Variants in TBC1D9 observed in about 807,000 individuals in gnomAD.
The protein encoded by TBC1D9 is TBC1 domain family member 9.
TBC1D9 carries 63 observed loss-of-function variants against 132.0 expected under a neutral mutation model. That is an observed-to-expected ratio of 0.48 (90% CI 0.39 to 0.59). TBC1D9 has a LOEUF of 0.59. Ranked by LOEUF, TBC1D9 falls within the 20% of genes least tolerant of loss-of-function variation. TBC1D9 has a pLI of 0.00. For synonymous variants in TBC1D9, 610 were observed against 609.9 expected, an observed-to-expected ratio of 1.00 and a Z score of 0.00; for missense variants, 1,261 against 1,592.7, an observed-to-expected ratio of 0.79 and a Z score of 3.54.
intron 1 of TBC1D9, among the ~76,000 whole-genome samples, chr4:140,752,162 C>A (rs1252568784): frequency 2.6e-5 from 4 of 152,052 alleles, no homozygotes; most frequent in Non-Finnish European, 5.9e-5. Context: ...AATGAACCAT[C>A]CAATGGGCCA....
At chr4:140,650,713 T>G (rs1201175468) in intron 13 of TBC1D9, among the ~76,000 whole-genome samples, 1 of 152,100 alleles carries the variant, frequency 6.6e-6, no homozygotes, top group African/African-American at 2.4e-5. Context: ...TTTTGTCTTT[T>G]TAGTAGAGAC....
intron 15 of TBC1D9, among the ~76,000 whole-genome samples, chr4:140,636,561 T>C (rs1560867926): frequency 6.6e-6 from 1 of 151,948 alleles, no homozygotes; most frequent in Admixed American, 6.6e-5. Flanking sequence ...GTAAAAAATA[T>C]ATATTTTTTA....
In TBC1D9 at chr4:140,672,661, C is replaced by T. The variant is rs539921123; in HGVS notation, c.1060-1735G>A. Among the ~76,000 whole-genome samples, 51 of 152,280 alleles carry T rather than the reference C, an allele frequency of 3.3e-4. No individual in the cohort carries two copies. The East Asian group carries it at 7.3e-3, about 22-fold the overall frequency. On this transcript the variant is annotated intron_variant, in intron 6 of 20. Coordinates refer to ENST00000442267, the MANE Select transcript of TBC1D9 (RefSeq NM_015130.3). Reference sequence around the variant, plus strand: ...CACATAAAACATATAAATGCTCAGACGGCTTATAAAATGTTTCTCACTGAT... The same window carrying T: ...CACATAAAACATATAAATGCTCAGATGGCTTATAAAATGTTTCTCACTGAT...
intron 1 of TBC1D9, among the ~76,000 whole-genome samples, chr4:140,743,329 A>T (rs947158262): frequency 6.6e-6 from 1 of 152,192 alleles, no homozygotes; most frequent in African/African-American, 2.4e-5. Flanking sequence ...ACAATCATCT[A>T]TGAATGGTTC....
At chr4:140,724,660 A>C (rs771578812) in intron 1 of TBC1D9, among the ~76,000 whole-genome samples, 9 of 151,904 alleles carry the variant, frequency 5.9e-5, no homozygotes, top group Non-Finnish European at 1.3e-4. Flanking sequence ...AAAAACTTGC[A>C]ACTCAGATCA....
In TBC1D9 at chr4:140,639,170, GC is replaced by G. The variant is rs1327925789; in HGVS notation, c.2437-17del. The stretch of plus-strand genomic sequence containing the variant: ...TGGTTCGTACCTATAAAAATATTAA[GC>G]AAAATGAATTTCACAAACTCAAAAA... On this transcript the variant is annotated splice_polypyrimidine_tract_variant and intron_variant, in intron 14 of 20. Coordinates refer to ENST00000442267, the MANE Select transcript of TBC1D9 (RefSeq NM_015130.3). 2 of 1,556,966 alleles carry G rather than the reference GC, an allele frequency of 1.3e-6. No homozygotes were observed. The highest frequency in any genetic ancestry group is 1.4e-5 in the African/African-American group (1 of 73,472).
At chr4:140,677,621 A>G (rs1053150471) in intron 5 of TBC1D9, among the ~76,000 whole-genome samples, 1 of 152,248 alleles carries the variant, frequency 6.6e-6, no homozygotes, top group Non-Finnish European at 1.5e-5. Context: ...GTTAACTACT[A>G]TCTTTTCTCT....
intron 16 of TBC1D9, among the ~76,000 whole-genome samples, chr4:140,629,392 G>A (rs1435611232): frequency 6.6e-6 from 1 of 152,132 alleles, no homozygotes; most frequent in African/African-American, 2.4e-5. Context: ...ATCTCAAAGA[G>A]TCCATGACTC....
At chr4:140,689,437 TCCCA>T (rs1737839541) in intron 2 of TBC1D9, among the ~76,000 whole-genome samples, 2 of 41,786 alleles carry the variant, frequency 4.8e-5, no homozygotes, top group African/African-American at 2.2e-4. Context: ...TCCCTTCCCC[TCCCA>T]TTCCTTCCCT....
At chr4:140,755,081 T>C (rs577276434) in intron 1 of TBC1D9, among the ~76,000 whole-genome samples, 1 of 152,324 alleles carries the variant, frequency 6.6e-6, no homozygotes, top group South Asian at 2.1e-4. Flanking sequence ...CTGCTAACTT[T>C]TTCACTGTAA....
chr4:140,686,329 C>T lies in TBC1D9; in HGVS notation c.360+15G>A. 1 of 1,343,872 alleles carries T rather than the reference C, an allele frequency of 7.4e-7. No individual in the cohort carries two copies. The highest frequency in any genetic ancestry group is 1.0e-6 in the Non-Finnish European group (1 of 955,380). The allele number at this position is 1,343,872 out of a possible 1,614,324, so 83.2% of individuals were successfully genotyped here. ...AATTATTTCCAATTAAAATGTTTTTCTTTTATCCCACTACCTGTATTTTTC... is the reference window on the plus strand; with the variant it reads ...AATTATTTCCAATTAAAATGTTTTTTTTTTATCCCACTACCTGTATTTTTC... On this transcript the variant is annotated intron_variant, in intron 3 of 20. Transcript: ENST00000442267.
chr4:140,683,491 C>T (rs914327432), intron 3 of TBC1D9, among the ~76,000 whole-genome samples: 6 of 152,142 alleles, frequency 3.9e-5, no homozygotes, highest in Non-Finnish European at 7.3e-5. Flanking sequence ...CTACAGGTTT[C>T]GCATAATATA....
At chr4:140,727,306 T>G (rs1738516657) in intron 1 of TBC1D9, among the ~76,000 whole-genome samples, 1 of 152,176 alleles carries the variant, frequency 6.6e-6, no homozygotes, top group Non-Finnish European at 1.5e-5. Context: ...GGGGTCAGAC[T>G]CCTGACTACC....
intron 2 of TBC1D9, 63 bp from the exon 3 acceptor site, chr4:140,686,525 C>T (rs13112073): frequency 0.44 from 471,847 of 1,083,632 alleles, 108,401 homozygotes; most frequent in South Asian, 0.49. Context: ...AAAAACCAGG[C>T]TCACTTTTTC....
intron 2 of TBC1D9, among the ~76,000 whole-genome samples, chr4:140,698,385 T>C (rs1738008796): frequency 1.3e-5 from 2 of 152,202 alleles, no homozygotes; most frequent in Non-Finnish European, 2.9e-5. Flanking sequence ...CCTTCGTTCA[T>C]GGGCTGTGTA....
intron 12 of TBC1D9, 104 bp downstream of exon 12, chr4:140,657,423 C>T (rs768319005): frequency 2.1e-5 from 28 of 1,353,354 alleles, no homozygotes; most frequent in African/African-American, 4.4e-5. Flanking sequence ...CAGGAAGAAG[C>T]GGGCATTATG....
At position 140,624,417 on chromosome 4, in the gene TBC1D9, G is replaced by A. The variant is rs764910401; in HGVS notation, c.2900-29C>T. 31 of 1,547,652 alleles carry A rather than the reference G, an allele frequency of 2.0e-5. No individual in the cohort carries two copies. The East Asian group carries it at 6.9e-4, about 35-fold the overall frequency. On this transcript the variant is annotated intron_variant, in intron 18 of 20. Coordinates refer to ENST00000442267, the MANE Select transcript of TBC1D9 (RefSeq NM_015130.3). ...CCAAGAAATGGTTCAGAAGAAAAAA[G>A]TAGAATGTTATATAATATGACCATG... is the stretch of plus-strand genomic sequence containing the variant.
intron 2 of TBC1D9, among the ~76,000 whole-genome samples, chr4:140,699,778 A>C (rs1202411453): frequency 6.6e-6 from 1 of 152,320 alleles, no homozygotes; most frequent in African/African-American, 2.4e-5. Context: ...ACTTACAAAT[A>C]ATGTATCAAC....
At chr4:140,733,862 T>C (rs976732938) in intron 1 of TBC1D9, among the ~76,000 whole-genome samples, 7 of 152,248 alleles carry the variant, frequency 4.6e-5, no homozygotes, top group African/African-American at 1.7e-4. Context: ...CAACTTACCA[T>C]TCCAAATAGT....
Sources: allele counts gnomAD v4.1 joint callset (sites outside exome capture counted in the v4.1 genomes callset), GRCh38; gene constraint gnomAD v4.1.1; transcripts MANE v1.5; gene names NCBI Gene and HGNC (gene_info 2026-07-23, HGNC 2026-07-21).